The following GALNT2 variants were observed in gnomAD, a reference collection of about 807,000 sequenced individuals.
GALNT2 encodes UDP-GalNAc:polypeptide N-acetylgalactosaminyltransferase 2.
GALNT2 carries 31 observed loss-of-function variants against 81.4 expected under a neutral mutation model. The ratio of observed to expected loss-of-function variants is 0.38; its 90% confidence interval spans 0.29 to 0.51. GALNT2 has a LOEUF of 0.51. Among genes scored for constraint, GALNT2 ranks in the 20% least tolerant of loss-of-function variants. GALNT2 has a pLI of 0.87. For synonymous variants in GALNT2, 303 were observed against 287.4 expected (o/e 1.05, Z -0.55); for missense variants, 629 against 765.7 (o/e 0.82, Z 2.11).
chr1:230,147,006 G>T (rs1451150043), intron 1 of GALNT2, among the ~76,000 whole-genome samples: 1 of 152,198 alleles, frequency 6.6e-6, no homozygotes, highest in Non-Finnish European at 1.5e-5. Context: ...GGCCACTAGA[G>T]CCCAGGTGAG....
intron 3 of GALNT2, among the ~76,000 whole-genome samples, chr1:230,213,030 ACC>A (rs1346922883): frequency 2.6e-5 from 4 of 152,090 alleles, no homozygotes; most frequent in African/African-American, 9.7e-5. Flanking sequence ...TCAAAGCTTA[ACC>A]CCTGAGTGGC....
chr1:230,219,460 C>T (rs1489679080), intron 3 of GALNT2, among the ~76,000 whole-genome samples: 1 of 151,936 alleles, frequency 6.6e-6, no homozygotes, highest in East Asian at 1.9e-4. Context: ...CAAATTAACC[C>T]CTTCCTCTCA....
rs199942719 is a variant in GALNT2 at position 230,118,170 on chromosome 1, G to A, written c.126+50764G>A. 7.2e-5 allele frequency among the ~76,000 whole-genome samples: 11 copies of A among 152,332 alleles called. No individual in the cohort carries two copies. In the East Asian group the frequency reaches 2.1e-3, roughly 29 times the overall value. ...TTCCATGTCTTTTCATGACTGGAGA[G>A]CTCATTTCTTTTTAGCACTGAATAC... is the stretch of plus-strand genomic sequence containing the variant. On this transcript the variant is annotated intron_variant, in intron 1 of 15. Coordinates refer to ENST00000366672, the MANE Select transcript of GALNT2 (RefSeq NM_004481.5).
intron 1 of GALNT2, among the ~76,000 whole-genome samples, chr1:230,059,504 GAAGA>G (rs1379671026): frequency 6.6e-6 from 1 of 152,222 alleles, no homozygotes; most frequent in Non-Finnish European, 1.5e-5. Flanking sequence ...AATGAAGGTA[GAAGA>G]AAGACAAGGA....
At chr1:230,105,278 G>A (rs1415772642) in intron 1 of GALNT2, among the ~76,000 whole-genome samples, 1 of 152,212 alleles carries the variant, frequency 6.6e-6, no homozygotes, top group African/African-American at 2.4e-5. Flanking sequence ...CAGCCAAACT[G>A]AACACCCACT....
chr1:230,223,027 C>T (rs1031552716), intron 3 of GALNT2, among the ~76,000 whole-genome samples: 1 of 152,070 alleles, frequency 6.6e-6, no homozygotes, highest in Admixed American at 6.5e-5. Flanking sequence ...CCAACCTGAT[C>T]GATTACATTC....
chr1:230,085,212 C>T (rs899412992), intron 1 of GALNT2, among the ~76,000 whole-genome samples: 1 of 152,086 alleles, frequency 6.6e-6, no homozygotes, highest in African/African-American at 2.4e-5. Flanking sequence ...TGAAGCATAC[C>T]CTGACAGTGA....
chr1:230,099,669 AT>A (rs1418720888), intron 1 of GALNT2, among the ~76,000 whole-genome samples: 1 of 152,182 alleles, frequency 6.6e-6, no homozygotes, highest in Non-Finnish European at 1.5e-5. Context: ...CCATTTAGCC[AT>A]ATTTTGGCTT....
chr1:230,200,068 T>C (rs1294448360), intron 2 of GALNT2, among the ~76,000 whole-genome samples: 2 of 142,750 alleles, frequency 1.4e-5, no homozygotes, highest in African/African-American at 2.5e-5. Context: ...TTTTCTTTTT[T>C]TTTTTTTTTT....
chr1:230,142,190 G>A (rs918995825), intron 1 of GALNT2, among the ~76,000 whole-genome samples: 2 of 152,066 alleles, frequency 1.3e-5, no homozygotes, highest in Admixed American at 1.3e-4. Context: ...GGAGAACGGT[G>A]GCATCCCAGC....
chr1:230,207,399 CT>C (rs1664096142), intron 3 of GALNT2, among the ~76,000 whole-genome samples: 1 of 152,038 alleles, frequency 6.6e-6, no homozygotes, highest in African/African-American at 2.4e-5. Flanking sequence ...GCTTCAGAGC[CT>C]CCCAAACAAA....
intron 1 of GALNT2, among the ~76,000 whole-genome samples, chr1:230,133,225 T>C (rs1310656936): frequency 1.3e-5 from 2 of 152,208 alleles, no homozygotes; most frequent in Non-Finnish European, 2.9e-5. Context: ...TTCTTTACTA[T>C]GTCCTTGGAA....
chr1:230,103,700 CT>C (rs1435537100), intron 1 of GALNT2, among the ~76,000 whole-genome samples: 1 of 151,018 alleles, frequency 6.6e-6, no homozygotes, highest in Non-Finnish European at 1.5e-5. Flanking sequence ...GAACCCATCC[CT>C]CCAAAACCAC....
At chr1:230,161,221 A>G (rs1662421545) in intron 1 of GALNT2, among the ~76,000 whole-genome samples, 1 of 152,162 alleles carries the variant, frequency 6.6e-6, no homozygotes. Context: ...TGGCTGGTCC[A>G]AGGTGGCCTC....
At position 230,124,335 on chromosome 1, in the gene GALNT2, G is replaced by C. The variant is rs550031052; in HGVS notation, c.127-53883G>C. ...TGCTGGTGTGTTGCAAAACATTGCT[G>C]CAAGAGCTGTCTATCACCCGCAAGA... On this transcript the variant is annotated intron_variant, in intron 1 of 15. Transcript: ENST00000366672. Among the ~76,000 whole-genome samples the C allele has an allele frequency of 3.3e-5, 5 of 152,308 alleles. No homozygotes were observed. The South Asian group carries it at 1.0e-3, about 32-fold the overall frequency.
chr1:230,113,838 C>T (rs1449949568), intron 1 of GALNT2, among the ~76,000 whole-genome samples: 3 of 152,116 alleles, frequency 2.0e-5, no homozygotes, highest in African/African-American at 4.8e-5. Flanking sequence ...ATGTGGGAAG[C>T]GAGGCCTCTT....
At chr1:230,238,461 A>C (rs1031368408) in intron 6 of GALNT2, among the ~76,000 whole-genome samples, 3 of 152,238 alleles carry the variant, frequency 2.0e-5, no homozygotes, top group South Asian at 2.1e-4. Context: ...GCCGATGTAC[A>C]GTGGAAGTTG....
At chr1:230,249,676 A>G (rs1213168791) in intron 9 of GALNT2, among the ~76,000 whole-genome samples, 1 of 36,946 alleles carries the variant, frequency 2.7e-5, no homozygotes, top group Non-Finnish European at 4.5e-5. Flanking sequence ...ATGCTCATGA[A>G]GCCCATGCTT....
chr1:230,198,575 G>A (rs1017822226), intron 2 of GALNT2, among the ~76,000 whole-genome samples: 7 of 152,176 alleles, frequency 4.6e-5, no homozygotes, highest in African/African-American at 1.7e-4. Flanking sequence ...ACATGGCCAT[G>A]CATGTGTGGA....
Sources: allele counts gnomAD v4.1 joint callset (sites outside exome capture counted in the v4.1 genomes callset), GRCh38; gene constraint gnomAD v4.1.1; transcripts MANE v1.5; gene names NCBI Gene and HGNC (gene_info 2026-07-23, HGNC 2026-07-21).